DENND5A: variants seen among roughly 807,000 people sequenced by gnomAD.
DENND5A encodes DENN domain containing 5A.
A neutral mutation model predicts 140.3 loss-of-function variants in DENND5A; 64 were observed. The observed-to-expected ratio is 0.46, with a 90% confidence interval of 0.37 to 0.56. The LOEUF (loss-of-function observed/expected upper bound fraction) is 0.56, where lower values mean the gene tolerates loss of function less well. DENND5A is among the 20% of genes least tolerant of loss of function. The probability of loss-of-function intolerance (pLI) is 0.00; values close to 1 mark genes in which losing one functional copy is unlikely to be tolerated. For missense variants in DENND5A, 1,292 were observed against 1,593.8 expected (o/e 0.81, Z 3.22); for synonymous variants, 605 against 607.7 (o/e 1.00, Z 0.07).
At chr11:9,212,789 C>T (rs547457114) in intron 1 of DENND5A, among the ~76,000 whole-genome samples, 100 of 152,208 alleles carry the variant, frequency 6.6e-4, no homozygotes, top group Non-Finnish European at 1.2e-3. Flanking sequence ...AAGCCAATCA[C>T]AACAGGTTAC....
intron 1 of DENND5A, among the ~76,000 whole-genome samples, chr11:9,210,123 A>G (rs1457672942): frequency 1.3e-5 from 2 of 152,024 alleles, no homozygotes; most frequent in Admixed American, 6.6e-5. Flanking sequence ...AAAAGAGAAG[A>G]AACAGTAGGA....
chr11:9,251,766 G>T (rs1251668402), intron 1 of DENND5A, among the ~76,000 whole-genome samples: 1 of 151,998 alleles, frequency 6.6e-6, no homozygotes, highest in African/African-American at 2.4e-5. Flanking sequence ...GAGGCGGGCG[G>T]ATTCCGAGGT....
At chr11:9,178,091 A>C (rs778959372) in intron 8 of DENND5A, 41 bp downstream of exon 8, 46 of 1,364,426 alleles carry the variant, frequency 3.4e-5, no homozygotes, top group Non-Finnish European at 1.9e-5. Flanking sequence ...TTAATGCCAT[A>C]ATCCAAGAGG....
chr11:9,208,405 A>G (rs1849762988), intron 1 of DENND5A, among the ~76,000 whole-genome samples: 1 of 152,202 alleles, frequency 6.6e-6, no homozygotes, highest in Non-Finnish European at 1.5e-5. Flanking sequence ...ACCTAAAGGG[A>G]CTTGTGGTTA....
At chr11:9,153,117 T>A (rs1847683110) in intron 12 of DENND5A, among the ~76,000 whole-genome samples, 1 of 151,586 alleles carries the variant, frequency 6.6e-6, no homozygotes, top group Non-Finnish European at 1.5e-5. Flanking sequence ...AGGTCAGAAG[T>A]TCGGGACCAG....
intron 12 of DENND5A, among the ~76,000 whole-genome samples, chr11:9,154,114 G>A (rs1847724692): frequency 6.6e-6 from 1 of 152,172 alleles, no homozygotes; most frequent in African/African-American, 2.4e-5. Context: ...AATAATGATA[G>A]AAGCTACCAG....
intron 13 of DENND5A, 65 bp from the exon 14 acceptor site, chr11:9,150,829 CT>C: frequency 2.9e-6 from 3 of 1,020,418 alleles, no homozygotes; most frequent in Non-Finnish European, 4.5e-6. Context: ...CTGCCCTTCC[CT>C]TACCTTAAAT....
intron 15 of DENND5A, among the ~76,000 whole-genome samples, chr11:9,149,278 T>C (rs562285270): frequency 6.6e-6 from 1 of 152,316 alleles, no homozygotes; most frequent in South Asian, 2.1e-4. Context: ...TCTATCAAGA[T>C]ATACTCTTCA....
chr11:9,144,560 G>A (rs1040459181), intron 18 of DENND5A, among the ~76,000 whole-genome samples: 1 of 152,104 alleles, frequency 6.6e-6, no homozygotes, highest in African/African-American at 2.4e-5. Context: ...GGAGGCCGAG[G>A]CGGCCGGATC....
chr11:9,139,800 T>C lies in DENND5A; in HGVS notation c.3735A>G (p.Ala1245=), dbSNP rs371344666. Residue 1245 remains alanine, a synonymous_variant, in exon 23 of 23, where the codon GCA becomes GCG. Transcript: ENST00000328194. The stretch of plus-strand genomic sequence containing the variant: ...TCAGTGCCACATCCTCATACATGTG[T>C]GCAGTGATGGGGCAGTCAGCCAGCA... The part of the protein sequence containing the change: ...IALLADCPIT[A]HMYEDVALIK... The C allele has an allele frequency of 1.2e-5, 19 of 1,613,944 alleles. No individual in the cohort carries two copies. The South Asian group carries it at 2.0e-4, about 17-fold the overall frequency.
chr11:9,263,686 C>CAAA (rs1437461346), intron 1 of DENND5A, among the ~76,000 whole-genome samples: 1 of 145,680 alleles, frequency 6.9e-6, no homozygotes, highest in African/African-American at 2.5e-5. Context: ...ACTAAAAATA[C>CAAA]AAAAAATTAG....
chr11:9,175,994 A>C (rs1441264778), intron 8 of DENND5A, among the ~76,000 whole-genome samples: 1 of 152,208 alleles, frequency 6.6e-6, no homozygotes, highest in Admixed American at 6.5e-5. Context: ...TCAAAAAGAC[A>C]ATTAGGCACA....
chr11:9,256,343 C>T lies in DENND5A; in HGVS notation c.109+8618G>A, dbSNP rs1462954377. On this transcript the variant is annotated intron_variant, in intron 1 of 22. Transcript: ENST00000328194. ...GGCGTGGTGGTACATGCCTGTAATC[C>T]CAGCTACTCAGGAGGCTGAGGCAGG... Among the ~76,000 whole-genome samples the T allele has an allele frequency of 2.0e-5, 3 of 151,874 alleles. No individual in the cohort carries two copies. The East Asian group carries it at 5.8e-4, about 29-fold the overall frequency.
chr11:9,177,589 A>C (rs553114560), intron 8 of DENND5A, among the ~76,000 whole-genome samples: 1 of 152,226 alleles, frequency 6.6e-6, no homozygotes, highest in South Asian at 2.1e-4. Context: ...CAAGAGTTCA[A>C]AAGCTGCAGT....
chr11:9,186,303 A>T (rs1449241701), intron 5 of DENND5A, among the ~76,000 whole-genome samples: 2 of 152,226 alleles, frequency 1.3e-5, no homozygotes, highest in Non-Finnish European at 2.9e-5. Flanking sequence ...TTCCTTTAAG[A>T]TTTTAAAATT....
intron 1 of DENND5A, among the ~76,000 whole-genome samples, chr11:9,261,657 C>T (rs1852203586): frequency 6.6e-6 from 1 of 150,590 alleles, no homozygotes; most frequent in Non-Finnish European, 1.5e-5. Flanking sequence ...ACGCGCGGCT[C>T]ATAATCCCAG....
At chr11:9,200,608 A>G (rs1287569673) in intron 4 of DENND5A, among the ~76,000 whole-genome samples, 2 of 152,236 alleles carry the variant, frequency 1.3e-5, no homozygotes, top group African/African-American at 2.4e-5. Context: ...AATTAACTGG[A>G]GCTAATTAGC....
chr11:9,262,958 G>A (rs551859432), intron 1 of DENND5A, among the ~76,000 whole-genome samples: 110 of 151,966 alleles, frequency 7.2e-4, no homozygotes, highest in African/African-American at 2.3e-3. Flanking sequence ...AGCCCGGATG[G>A]TCTCGATCTC....
chr11:9,246,191 A>C (rs1408827276), intron 1 of DENND5A, among the ~76,000 whole-genome samples: 2 of 152,186 alleles, frequency 1.3e-5, no homozygotes, highest in African/African-American at 4.8e-5. Flanking sequence ...TAGCCAAAGA[A>C]GTCAGTGACA....
Sources: allele counts gnomAD v4.1 joint callset (sites outside exome capture counted in the v4.1 genomes callset), GRCh38; gene constraint gnomAD v4.1.1; transcripts MANE v1.5; gene names NCBI Gene and HGNC (gene_info 2026-07-23, HGNC 2026-07-21).